The following SDK2 variants were observed in gnomAD, a reference collection of about 807,000 sequenced individuals.
The protein encoded by SDK2 is sidekick cell adhesion molecule 2.
A neutral mutation model predicts 253.9 loss-of-function variants in SDK2; 105 were observed. That is an observed-to-expected ratio of 0.41 (90% CI 0.35 to 0.49). The LOEUF is 0.49. Among genes scored for constraint, SDK2 ranks in the 20% least tolerant of loss-of-function variants. The pLI is 0.06. For missense variants in SDK2, 2,608 were observed against 3,003.0 expected (o/e 0.87, Z 3.07); for synonymous variants, 1,249 against 1,234.9 (o/e 1.01, Z -0.24).
At chr17:73,369,737 C>T (rs2062719060) in intron 36 of SDK2, among the ~76,000 whole-genome samples, 1 of 152,208 alleles carries the variant, frequency 6.6e-6, no homozygotes, top group South Asian at 2.1e-4. Flanking sequence ...TGCTCCGCCT[C>T]ACGGGTTCAC....
At chr17:73,484,350 C>T (rs1469851018) in intron 2 of SDK2, among the ~76,000 whole-genome samples, 1 of 152,196 alleles carries the variant, frequency 6.6e-6, no homozygotes, top group Non-Finnish European at 1.5e-5. Flanking sequence ...CCCATGGACC[C>T]ACTTCTCCGG....
At chr17:73,387,701 T>G in intron 30 of SDK2, 135 bp downstream of exon 30, 3 of 733,844 alleles carry the variant, frequency 4.1e-6, no homozygotes, top group Non-Finnish European at 4.4e-6. Flanking sequence ...GGGGGCCGCC[T>G]GGGTGGTGCA....
chr17:73,644,104 G>A lies in SDK2; in HGVS notation c.-16C>T, dbSNP rs1173348241. ...GCCCCCACATGGTGACCAGCCTGGA[G>A]AGGGGTCCTCGGGGTCTCCCTTCCC... On this transcript the variant is annotated 5_prime_UTR_variant, in exon 1 of 45. Coordinates refer to ENST00000392650, the MANE Select transcript of SDK2 (RefSeq NM_001144952.2). This position sits in a 1 kb window ranked among gnomAD's most constrained non-coding sequence, Gnocchi z 6.3. 7 of 1,549,902 alleles carry A rather than the reference G, an allele frequency of 4.5e-6. No individual in the cohort carries two copies. The highest frequency in any genetic ancestry group is 6.1e-6 in the Non-Finnish European group (7 of 1,145,646).
chr17:73,357,988 G>A (rs753151747), intron 40 of SDK2, 91 bp downstream of exon 40: 223 of 1,578,864 alleles, frequency 1.4e-4, no homozygotes, highest in African/African-American at 2.2e-4. Context: ...CTTCTCAGGC[G>A]GAGGACAGAG....
In SDK2 at chr17:73,337,053, A is replaced by ATGTGTGTGTGTG. The variant is rs3079765; in HGVS notation, c.*1522_*1533dup. 5 of 148,810 alleles carry ATGTGTGTGTGTG rather than the reference A, an allele frequency of 3.4e-5. No individual in the cohort carries two copies. Among genetic ancestry groups the ATGTGTGTGTGTG allele is most frequent in the East Asian group, 4.0e-4 (2 of 4,984 alleles). The allele number at this position is 148,810 out of a possible 1,614,324, so 9.2% of individuals were successfully genotyped here. A position where few individuals can be genotyped will look rare whatever the true frequency, so the allele number is the denominator to read the frequency against. On this transcript the variant is annotated 3_prime_UTR_variant, in exon 45 of 45. Coordinates refer to ENST00000392650, the MANE Select transcript of SDK2 (RefSeq NM_001144952.2). ...TCCTTGGAGCAGATTGTGTATGTGT[A>ATGTGTGTGTGTG]TGTGTGTGTGTGTGTGTGTGTGTGT...
At chr17:73,409,804 TA>T (rs989716446) in intron 18 of SDK2, among the ~76,000 whole-genome samples, 109 of 150,334 alleles carry the variant, frequency 7.3e-4, no homozygotes, top group African/African-American at 2.4e-3. Context: ...TATCTACAAT[TA>T]AAAATAATAC....
Position 73,338,815 on chromosome 17 carries a change from T to C in SDK2, c.6291A>G (p.Ala2097=), listed in dbSNP as rs148186444. 5 of 1,613,844 alleles carry C rather than the reference T, an allele frequency of 3.1e-6. No individual in the cohort carries two copies. The highest frequency in any genetic ancestry group is 1.3e-5 in the African/African-American group (1 of 74,896). Residue 2097 remains alanine, a synonymous_variant, in exon 45 of 45, where the codon GCA becomes GCG. Coordinates refer to ENST00000392650, the MANE Select transcript of SDK2 (RefSeq NM_001144952.2). The surrounding 1 kb of genome is among the most constrained non-coding windows in gnomAD (Gnocchi z 5.0). ...CGCTCTCCGTGTAGCTGTAGGCCTG[T>C]GCCCTCGAGATGCCCTTCTGCTGTC... ...WRRQQKGISR[A]QAYSYTESDS...
At chr17:73,510,560 C>T (rs1416960535) in intron 1 of SDK2, among the ~76,000 whole-genome samples, 1 of 152,174 alleles carries the variant, frequency 6.6e-6, no homozygotes, top group Non-Finnish European at 1.5e-5. Flanking sequence ...AGTGCAGTAG[C>T]ATAATGTTGG....
chr17:73,476,546 G>C (rs2063687270), intron 2 of SDK2, among the ~76,000 whole-genome samples: 1 of 152,196 alleles, frequency 6.6e-6, no homozygotes, highest in South Asian at 2.1e-4. Context: ...GGGCTCATTG[G>C]ATCTGGATTT....
At chr17:73,533,983 T>G (rs2064192995) in intron 1 of SDK2, among the ~76,000 whole-genome samples, 1 of 152,138 alleles carries the variant, frequency 6.6e-6, no homozygotes, top group Non-Finnish European at 1.5e-5. Flanking sequence ...AAAAGCACAG[T>G]GATGCGGCAA....
chr17:73,351,817 T>C (rs1157285792), intron 41 of SDK2, among the ~76,000 whole-genome samples: 1 of 151,870 alleles, frequency 6.6e-6, no homozygotes, highest in East Asian at 1.9e-4. Flanking sequence ...TCAATGTGGG[T>C]AAAGGAGAAG....
At chr17:73,592,413 C>A (rs1053880325) in intron 1 of SDK2, among the ~76,000 whole-genome samples, 6 of 152,260 alleles carry the variant, frequency 3.9e-5, no homozygotes, top group Non-Finnish European at 8.8e-5. Flanking sequence ...AGTCAGAACC[C>A]AGCCAAAGAG....
intron 33 of SDK2, among the ~76,000 whole-genome samples, chr17:73,381,679 G>A (rs2062831919): frequency 6.6e-6 from 1 of 151,584 alleles, no homozygotes. Context: ...TCAGGAGTTC[G>A]AGACCACCTG....
intron 18 of SDK2, among the ~76,000 whole-genome samples, chr17:73,410,964 A>G (rs142151463): frequency 6.6e-6 from 1 of 152,132 alleles, no homozygotes; most frequent in Admixed American, 6.5e-5. Context: ...CAGCCCTCCC[A>G]TATGTAGAAT....
At chr17:73,640,166 T>G (rs1257329083) in intron 1 of SDK2, among the ~76,000 whole-genome samples, 1 of 151,986 alleles carries the variant, frequency 6.6e-6, no homozygotes, top group East Asian at 1.9e-4. Context: ...TAGAACAAGG[T>G]TCCTGGCCCC....
In SDK2 at chr17:73,582,320, C is replaced by G. The variant is rs2045547446; in HGVS notation, c.64+61705G>C. On this transcript the variant is annotated intron_variant, in intron 1 of 44. Transcript: ENST00000392650. ...AGGCATCAGCATTTGGGGGCGCACACCACGCAGGCATCAGCATTTGGGGGT... is the reference window on the plus strand; with the variant it reads ...AGGCATCAGCATTTGGGGGCGCACAGCACGCAGGCATCAGCATTTGGGGGT... Among the ~76,000 whole-genome samples, 4 of 151,422 alleles carry G rather than the reference C, an allele frequency of 2.6e-5. No homozygotes were observed. In the South Asian group the frequency reaches 8.4e-4, roughly 32 times the overall value.
chr17:73,418,659 C>A (rs1390998372), intron 16 of SDK2, among the ~76,000 whole-genome samples: 1 of 152,086 alleles, frequency 6.6e-6, no homozygotes, highest in Non-Finnish European at 1.5e-5. Flanking sequence ...TTTTAGTGAC[C>A]CTTAATGACT....
intron 1 of SDK2, among the ~76,000 whole-genome samples, chr17:73,636,770 A>C (rs2046337518): frequency 6.6e-6 from 1 of 152,014 alleles, no homozygotes; most frequent in South Asian, 2.1e-4. Context: ...TACAGCAAAG[A>C]TACCAGAGAA....
intron 1 of SDK2, among the ~76,000 whole-genome samples, chr17:73,582,461 G>A (rs761372109): frequency 1.3e-5 from 2 of 152,236 alleles, no homozygotes; most frequent in African/African-American, 2.4e-5. Context: ...GCAACAGCTG[G>A]TGCTGACTCT....
Sources: gnomAD v4.1 joint callset for allele counts (sites outside exome capture counted in the v4.1 genomes callset) on GRCh38, gnomAD v4.1.1 for gene constraint, Gnocchi (gnomAD v3.1) non-coding constraint, MANE v1.5 for transcripts, NCBI Gene and HGNC (gene_info 2026-07-23, HGNC 2026-07-21) for gene names.